The following TMOD3 variants were observed in gnomAD, a reference collection of about 807,000 sequenced individuals.
TMOD3 encodes tropomodulin-3.
TMOD3 carries 20 observed loss-of-function variants against 39.2 expected under a neutral mutation model. The observed-to-expected ratio is 0.51, with a 90% CI of 0.36 to 0.74. The LOEUF is 0.74. TMOD3 is among the 30% of genes least tolerant of loss of function. TMOD3 has a pLI of 0.00. For missense variants in TMOD3, 381 were observed against 412.8 expected (o/e 0.92, Z 0.67); for synonymous variants, 143 against 145.8 (o/e 0.98, Z 0.14).
chr15:51,898,392 C>T (rs2056632310), intron 7 of TMOD3, among the ~76,000 whole-genome samples: 1 of 152,218 alleles, frequency 6.6e-6, no homozygotes, highest in Non-Finnish European at 1.5e-5. Flanking sequence ...TTCCCACCCC[C>T]AGTATTCCCC....
intron 3 of TMOD3, among the ~76,000 whole-genome samples, chr15:51,880,517 G>C (rs150203275): frequency 2.4e-4 from 36 of 152,258 alleles, no homozygotes; most frequent in African/African-American, 8.7e-4. Flanking sequence ...CCTAGCCCTT[G>C]ACAACCACTA....
chr15:51,903,880 A>G (rs1209057438), intron 9 of TMOD3, among the ~76,000 whole-genome samples: 1 of 152,206 alleles, frequency 6.6e-6, no homozygotes, highest in Non-Finnish European at 1.5e-5. Context: ...ACATAACCCT[A>G]CTTTGATAGA....
chr15:51,870,895 C>T (rs1053255890), intron 3 of TMOD3, among the ~76,000 whole-genome samples: 2 of 152,138 alleles, frequency 1.3e-5, no homozygotes, highest in African/African-American at 4.8e-5. Context: ...TGTCCAAAGG[C>T]AGTCTAGTGG....
intron 3 of TMOD3, among the ~76,000 whole-genome samples, chr15:51,883,880 T>TA (rs1241038644): frequency 6.6e-6 from 1 of 152,202 alleles, no homozygotes; most frequent in Admixed American, 6.5e-5. Context: ...CAATTAAAAT[T>TA]ATGCCCCCCT....
In TMOD3 at chr15:51,909,887, A is replaced by G. The variant is rs1414632026; in HGVS notation, c.*1077A>G. 6 of 152,256 alleles carry G rather than the reference A, an allele frequency of 3.9e-5. No individual in the cohort carries two copies. Among genetic ancestry groups the G allele is most frequent in the African/African-American group, 1.4e-4 (6 of 41,470 alleles). 9.4% of individuals were successfully genotyped at this position (152,256 alleles called of 1,614,324 possible). A position where few individuals can be genotyped will look rare whatever the true frequency, so the allele number is the denominator to read the frequency against. ...CTTCCAACCAAGAAGGAAAACTGCT[A>G]TTCTTCATAAATCTAATTTTTAGTA... On this transcript the variant is annotated 3_prime_UTR_variant, in exon 10 of 10. Coordinates refer to ENST00000308580, the MANE Select transcript of TMOD3 (RefSeq NM_014547.5).
intron 1 of TMOD3, among the ~76,000 whole-genome samples, chr15:51,839,163 C>CT (rs111813783): frequency 0.053 from 5,853 of 109,812 alleles, 933 homozygotes; most frequent in Non-Finnish European, 0.076. Flanking sequence ...AGGTGTATCT[C>CT]TCTTTTTTTT....
intron 2 of TMOD3, among the ~76,000 whole-genome samples, chr15:51,864,220 T>G (rs1307847851): frequency 1.4e-5 from 2 of 143,620 alleles, no homozygotes; most frequent in Non-Finnish European, 3.0e-5. Flanking sequence ...GAGCCGAAAT[T>G]GCACCACTGT....
chr15:51,884,622 C>G (rs1233661195), intron 3 of TMOD3: 1 of 152,026 alleles, frequency 6.6e-6, no homozygotes, highest in Non-Finnish European at 1.5e-5. Context: ...TGTTCCATCT[C>G]TACTCCCACT....
chr15:51,861,228 A>G lies in TMOD3; in HGVS notation c.-74-1583A>G, dbSNP rs562095826. 41 of 446,956 alleles carry G rather than the reference A, an allele frequency of 9.2e-5. 1 individual carries two copies. Among genetic ancestry groups the G allele is most frequent in the African/African-American group, 3.0e-4 (15 of 49,594 alleles). The allele number at this position is 446,956 out of a possible 1,614,324, so 27.7% of individuals were successfully genotyped here. On this transcript the variant is annotated intron_variant, in intron 1 of 9. Transcript: ENST00000308580. The stretch of plus-strand genomic sequence containing the variant: ...AATCTCTGCATGACTGAACAGTCCA[A>G]TGTGCTCTAGCTGTTCCAATTCAGG...
At chr15:51,904,780 G>T (rs1012870462) in intron 9 of TMOD3, among the ~76,000 whole-genome samples, 2 of 152,206 alleles carry the variant, frequency 1.3e-5, no homozygotes, top group African/African-American at 2.4e-5. Context: ...GATGGGGTGT[G>T]GGGGGTGCAA....
intron 9 of TMOD3, among the ~76,000 whole-genome samples, chr15:51,902,642 GTATTTTTTTTTTTT>G (rs1302527949): frequency 3.2e-5 from 2 of 63,354 alleles, no homozygotes; most frequent in Non-Finnish European, 5.8e-5. Context: ...GCTAATTTTT[GTATTTTTTTTTTTT>G]TTTTTTTTTT....
At position 51,913,717 on chromosome 15, in the gene TMOD3, A is replaced by T. The variant is rs2056721907; in HGVS notation, c.*4907A>T. 6.6e-6 allele frequency: 1 copy of T among 152,208 alleles called. No individual in the cohort carries two copies. The allele number at this position is 152,208 out of a possible 1,614,324, so 9.4% of individuals were successfully genotyped here. A position where few individuals can be genotyped will look rare whatever the true frequency, so the allele number is the denominator to read the frequency against. On this transcript the variant is annotated 3_prime_UTR_variant, in exon 10 of 10. Transcript: ENST00000308580. ...AGTATTTTGGAAAGCCTTCATTAAC[A>T]CATAAAGAATTTTGGCCAAGTACTG...
At chr15:51,850,737 T>A (rs1040095801) in intron 1 of TMOD3, among the ~76,000 whole-genome samples, 1 of 150,324 alleles carries the variant, frequency 6.7e-6, no homozygotes, top group African/African-American at 2.5e-5. Context: ...GGTTTTTTGT[T>A]TGTTTGTTTG....
intron 9 of TMOD3, among the ~76,000 whole-genome samples, chr15:51,905,683 AAGTT>A (rs774030051): frequency 2.2e-4 from 34 of 152,276 alleles, no homozygotes; most frequent in Non-Finnish European, 3.2e-4. Context: ...TTAGAAAATG[AAGTT>A]AGTTAGGACA....
At chr15:51,877,017 C>T (rs776395567) in intron 3 of TMOD3, among the ~76,000 whole-genome samples, 3 of 152,076 alleles carry the variant, frequency 2.0e-5, no homozygotes, top group Non-Finnish European at 4.4e-5. Context: ...GATCCATGCT[C>T]ATGCCACTGC....
rs1424833768 is a variant in TMOD3 at position 51,869,339 on chromosome 15, G to C, written c.249G>C (p.Arg83Ser). Residue 83 changes from arginine (R) to serine (S), a missense_variant, in exon 3 of 10, where the codon AGG (arginine) becomes AGC (serine). Arg to Ser is a moderately radical substitution (Grantham distance 110). Transcript: ENST00000308580. ...AAGAAGCATTGGAGCATAAAGACAG[G>C]GAAGACTATGTGCCCTACACTGGAG... ...LEKEALEHKD[R>S]EDYVPYTGEK... 2 of 1,613,978 alleles carry C rather than the reference G, an allele frequency of 1.2e-6. No homozygotes were observed. Among genetic ancestry groups the C allele is most frequent in the East Asian group, 4.5e-5 (2 of 44,872 alleles).
At position 51,900,270 on chromosome 15, in the gene TMOD3, C is replaced by T; in HGVS notation, c.851C>T (p.Thr284Ile). ...ALIDALRDNE[T>I]LAELKIDNQR... Reference sequence around the variant, plus strand: ...ATTGATGCGTTAAGAGATAATGAAACCCTGGCAGAGCTCAAGATTGACAAT... The same window carrying T: ...ATTGATGCGTTAAGAGATAATGAAATCCTGGCAGAGCTCAAGATTGACAAT... Residue 284 changes from threonine to isoleucine, a missense_variant, in exon 8 of 10, where the codon ACC becomes ATC. Transcript: ENST00000308580. 1 of 1,614,028 alleles carries T rather than the reference C, an allele frequency of 6.2e-7. No individual in the cohort carries two copies. Among genetic ancestry groups the T allele is most frequent in the Non-Finnish European group, 8.5e-7 (1 of 1,180,014 alleles).
rs190097932 is a variant in TMOD3, at chr15:51,886,422, C to G, written c.284-1167C>G. ...GACTCCGTCTGCAATCCCGGCACCT[C>G]GGGAGGCCGAGGCGGGCAGATCACT... On this transcript the variant is annotated intron_variant, in intron 3 of 9. Transcript: ENST00000308580. 3.8e-3 allele frequency among the ~76,000 whole-genome samples: 582 copies of G among 152,338 alleles called. 6 individuals are homozygous for G. Among genetic ancestry groups the G allele is most frequent in the Non-Finnish European group, 7.5e-3 (510 of 68,024 alleles).
intron 3 of TMOD3, among the ~76,000 whole-genome samples, chr15:51,876,670 C>A (rs1357878075): frequency 1.3e-5 from 2 of 151,922 alleles, no homozygotes; most frequent in African/African-American, 2.4e-5. Context: ...ACCGTGTTAG[C>A]CAGGATGGTC....
Sources: allele counts gnomAD v4.1 joint callset (sites outside exome capture counted in the v4.1 genomes callset), GRCh38; gene constraint gnomAD v4.1.1; transcripts MANE v1.5; gene names NCBI Gene and HGNC (gene_info 2026-07-23, HGNC 2026-07-21).